Variants in CYRIA observed in about 807,000 individuals in gnomAD.
CYRIA encodes the protein CYFIP related Rac1 interactor A, also known as CYFIP-related Rac1 interactor A.
In CYRIA, 15 loss-of-function variants were observed where a neutral mutation model predicts 43.9. The ratio of observed to expected loss-of-function variants is 0.34; its 90% CI spans 0.23 to 0.53. CYRIA has a LOEUF of 0.53. Ranked by LOEUF, CYRIA falls within the 20% of genes least tolerant of loss-of-function variation. The pLI is 0.94. For missense variants in CYRIA, 236 were observed against 394.2 expected, an observed-to-expected ratio of 0.60 and a Z score of 3.40; for synonymous variants, 117 against 136.0, an observed-to-expected ratio of 0.86 and a Z score of 0.97.
At position 16,561,992 on chromosome 2, in the gene CYRIA, C is replaced by T; in HGVS notation, c.435+13G>A. On this transcript the variant is annotated intron_variant, in intron 6 of 11. Coordinates refer to ENST00000381323, the MANE Select transcript of CYRIA (RefSeq NM_030797.4). The stretch of plus-strand genomic sequence containing the variant: ...ACAAGTTTATTAAATTTTCACAGCA[C>T]ATTTGGCCTAACCTTCAGCTCATCG... 6.2e-7 allele frequency: 1 copy of T among 1,608,788 alleles called. No homozygotes were observed. Among genetic ancestry groups the T allele is most frequent in the Middle Eastern group, 1.7e-4 (1 of 6,008 alleles).
intron 10 of CYRIA, among the ~76,000 whole-genome samples, chr2:16,558,413 T>C (rs529225159): frequency 1.3e-5 from 2 of 152,270 alleles, no homozygotes; most frequent in East Asian, 1.9e-4. Context: ...TTCTCTTGCA[T>C]AGGGCCAGAG....
At chr2:16,555,186 CT>C in intron 10 of CYRIA, 47 bp from the exon 11 acceptor site, 1 of 1,494,422 alleles carries the variant, frequency 6.7e-7, no homozygotes, top group Non-Finnish European at 9.2e-7. Context: ...GTAATACTGT[CT>C]ATGCCAATAT....
intron 1 of CYRIA, among the ~76,000 whole-genome samples, chr2:16,630,860 A>G (rs1669310817): frequency 6.6e-6 from 1 of 152,190 alleles, no homozygotes; most frequent in South Asian, 2.1e-4. Flanking sequence ...AGGGAGGGGT[A>G]AGGGGCACAC....
At chr2:16,644,177 G>A (rs139490063) in intron 1 of CYRIA, among the ~76,000 whole-genome samples, 63 of 152,308 alleles carry the variant, frequency 4.1e-4, no homozygotes, top group African/African-American at 1.4e-3. Context: ...GAGTTTAAAC[G>A]AGCTCCTGCA....
At chr2:16,574,313 T>C (rs1352383151) in intron 3 of CYRIA, among the ~76,000 whole-genome samples, 1 of 152,166 alleles carries the variant, frequency 6.6e-6, no homozygotes, top group East Asian at 1.9e-4. Context: ...GCTAAAGACA[T>C]TCAGTTTTAA....
At chr2:16,603,832 G>T (rs1272878717) in intron 2 of CYRIA, among the ~76,000 whole-genome samples, 1 of 152,150 alleles carries the variant, frequency 6.6e-6, no homozygotes, top group Non-Finnish European at 1.5e-5. Flanking sequence ...GCCCTCCAAG[G>T]CAAAATGAGA....
chr2:16,639,836 T>A (rs1336418693), intron 1 of CYRIA, among the ~76,000 whole-genome samples: 1 of 152,226 alleles, frequency 6.6e-6, no homozygotes, highest in East Asian at 1.9e-4. Flanking sequence ...ATATTTTGGA[T>A]AAGTCAGAGA....
chr2:16,601,501 G>T (rs1048387366), intron 2 of CYRIA, among the ~76,000 whole-genome samples: 1 of 152,228 alleles, frequency 6.6e-6, no homozygotes, highest in East Asian at 1.9e-4. Context: ...AGGAGTGGTA[G>T]CAATGCCTCT....
chr2:16,550,194 T>C lies in CYRIA; in HGVS notation c.*2742A>G, dbSNP rs764431701. On this transcript the variant is annotated 3_prime_UTR_variant, in exon 12 of 12. Transcript: ENST00000381323. ...ATGAGACCTCAAATATGAAATATAG[T>C]TAACAATGACATTGACACTGTTGCT... The C allele has an allele frequency of 1.3e-5, 2 of 151,934 alleles. No individual in the cohort carries two copies. The highest frequency in any genetic ancestry group is 2.4e-5 in the African/African-American group (1 of 41,374). The allele number at this position is 151,934 out of a possible 1,614,324, so 9.4% of individuals were successfully genotyped here.
In CYRIA at chr2:16,567,473, C is replaced by T. The variant is rs116812767; in HGVS notation, c.71-1706G>A. ...AAGACAGAATTCACAAGATAAGTGA[C>T]GGCGAAGTGGGGCACTGGCTATGCT... On this transcript the variant is annotated intron_variant, in intron 3 of 11. Transcript: ENST00000381323. 2.5e-3 allele frequency among the ~76,000 whole-genome samples: 384 copies of T among 152,150 alleles called. 2 individuals carry two copies. Among genetic ancestry groups the T allele is most frequent in the Non-Finnish European group, 4.6e-3 (313 of 67,980 alleles).
In CYRIA at chr2:16,665,816, C is replaced by G. The variant is rs1276044183; in HGVS notation, c.-203G>C. 2.7e-5 allele frequency: 4 copies of G among 147,108 alleles called. No homozygotes were observed. The highest frequency in any genetic ancestry group is 6.1e-5 in the Non-Finnish European group (4 of 65,804). The allele number at this position is 147,108 out of a possible 1,614,324, so 9.1% of individuals were successfully genotyped here. On this transcript the variant is annotated 5_prime_UTR_variant, in exon 1 of 12. Transcript: ENST00000381323. The stretch of plus-strand genomic sequence containing the variant: ...CGCCCTGCTCTGCCGCCCGCTCCGC[C>G]GCCGCCGAGTACGCCTCTCCCGCGG...
At chr2:16,585,933 T>C (rs1043103826) in intron 3 of CYRIA, among the ~76,000 whole-genome samples, 5 of 152,216 alleles carry the variant, frequency 3.3e-5, no homozygotes, top group Admixed American at 2.0e-4. Flanking sequence ...TCAATAATAC[T>C]GCATTTATTT....
At chr2:16,634,021 A>G (rs943303849) in intron 1 of CYRIA, among the ~76,000 whole-genome samples, 1 of 152,132 alleles carries the variant, frequency 6.6e-6, no homozygotes, top group Non-Finnish European at 1.5e-5. Context: ...TTCCCAGGCT[A>G]ACGTTGGACC....
intron 3 of CYRIA, among the ~76,000 whole-genome samples, chr2:16,581,313 G>C (rs953199942): frequency 2.0e-5 from 3 of 152,086 alleles, no homozygotes; most frequent in African/African-American, 7.2e-5. Flanking sequence ...TTCTTAAATA[G>C]ATAAGCAACT....
At chr2:16,627,608 C>A (rs536066727) in intron 1 of CYRIA, among the ~76,000 whole-genome samples, 1 of 152,284 alleles carries the variant, frequency 6.6e-6, no homozygotes, top group East Asian at 1.9e-4. Flanking sequence ...GTGATAGAGT[C>A]AAGGTGTGAA....
chr2:16,655,041 A>G (rs553105666), intron 1 of CYRIA, among the ~76,000 whole-genome samples: 18 of 152,346 alleles, frequency 1.2e-4, no homozygotes, highest in Admixed American at 5.2e-4. Flanking sequence ...GTAGTGTGAA[A>G]GGGAGAAAGA....
At position 16,583,565 on chromosome 2, in the gene CYRIA, C is replaced by T. The variant is rs140568829; in HGVS notation, c.70+4485G>A. Among the ~76,000 whole-genome samples the T allele has an allele frequency of 2.6e-5, 4 of 152,314 alleles. No homozygotes were observed. In the East Asian group the frequency reaches 5.8e-4, roughly 22 times the overall value. ...CATTTCAGCCTTGGAATTACTGAAA[C>T]TACTTCATTGAAAGGTTAATGCCTA... On this transcript the variant is annotated intron_variant, in intron 3 of 11. Transcript: ENST00000381323.
intron 3 of CYRIA, 92 bp from the exon 4 acceptor site, chr2:16,565,859 C>T (rs953369772): frequency 7.6e-5 from 93 of 1,225,306 alleles, no homozygotes; most frequent in Admixed American, 1.0e-4. Context: ...CTTGACAATC[C>T]TATCATATTC....
chr2:16,612,953 G>A (rs535987588), intron 2 of CYRIA, among the ~76,000 whole-genome samples: 4 of 152,298 alleles, frequency 2.6e-5, no homozygotes, highest in African/African-American at 4.8e-5. Context: ...AGATCTGATG[G>A]TTTTATAAAT....
Sources: gnomAD v4.1 joint callset for allele counts (sites outside exome capture counted in the v4.1 genomes callset) on GRCh38, gnomAD v4.1.1 for gene constraint, MANE v1.5 for transcripts, NCBI Gene and HGNC (gene_info 2026-07-23, HGNC 2026-07-21) for gene names.